NRTN: variants seen among roughly 807,000 people sequenced by gnomAD.
The protein encoded by NRTN is neurturin.
In NRTN, 3 loss-of-function variants were observed where a neutral mutation model predicts 7.5. The observed-to-expected ratio is 0.40, with a 90% confidence interval of 0.18 to 1.03. NRTN has a LOEUF of 1.03. NRTN is among the 50% of genes least tolerant of loss of function. NRTN has a pLI of 0.34. For missense variants in NRTN, 310 were observed against 307.0 expected, an observed-to-expected ratio of 1.01 and a Z score of -0.07; for synonymous variants, 157 against 146.6, an observed-to-expected ratio of 1.07 and a Z score of -0.51.
At chr19:5,820,533 T>TC (rs1254305193) in intron 1 of NRTN, among the ~76,000 whole-genome samples, 4 of 137,088 alleles carry the variant, frequency 2.9e-5, no homozygotes, top group Admixed American at 1.5e-4. Context: ...GCCACTACAC[T>TC]CAGCCTGGGC....
At chr19:5,816,450 C>T (rs1325623843) in intron 1 of NRTN, among the ~76,000 whole-genome samples, 2 of 152,166 alleles carry the variant, frequency 1.3e-5, no homozygotes, top group African/African-American at 4.8e-5. Context: ...GCAGTCTCGG[C>T]TCGCTGCAAC....
In NRTN at chr19:5,824,325, C is replaced by T. The variant is rs764411451; in HGVS notation, c.160C>T (p.Leu54=). The T allele has an allele frequency of 8.7e-6, 14 of 1,602,538 alleles. No individual in the cohort carries two copies. Among genetic ancestry groups the T allele is most frequent in the Admixed American group, 1.7e-5 (1 of 58,430 alleles). The part of the protein sequence containing the change: ...PRTLDARIAR[L]AQYRALLQGA... The stretch of plus-strand genomic sequence containing the variant: ...AACCCTGGACGCCCGGATTGCCCGC[C>T]TGGCCCAGTGTAAGCTCCTCCTCTG... The change falls in exon 2 of 3, where the codon CTG becomes TTG. Residue 54 remains leucine, a synonymous_variant. Coordinates refer to ENST00000303212, the MANE Select transcript of NRTN (RefSeq NM_004558.5).
At position 5,827,900 on chromosome 19, in the gene NRTN, G is replaced by A; in HGVS notation, c.321G>A (p.Glu107=). The A allele has an allele frequency of 1.4e-6, 2 of 1,432,368 alleles. No individual in the cohort carries two copies. Among genetic ancestry groups the A allele is most frequent in the South Asian group, 2.9e-5 (2 of 69,524 alleles). The allele number at this position is 1,432,368 out of a possible 1,614,324, so 88.7% of individuals were successfully genotyped here. A position where few individuals can be genotyped will look rare whatever the true frequency, so the allele number is the denominator to read the frequency against. ...RLGARPCGLR[E]LEVRVSELGL... ...GGGCGCGGCCTTGCGGGCTGCGCGA[G>A]CTGGAGGTGCGCGTGAGCGAGCTGG... The change falls in exon 3 of 3, where the codon GAG becomes GAA. Residue 107 remains glutamate, a synonymous_variant. Coordinates refer to ENST00000303212, the MANE Select transcript of NRTN (RefSeq NM_004558.5).
intron 1 of NRTN, among the ~76,000 whole-genome samples, chr19:5,809,583 G>A (rs1019469031): frequency 9.2e-5 from 14 of 152,092 alleles, no homozygotes; most frequent in African/African-American, 3.1e-4. Flanking sequence ...TCGGGGAGGG[G>A]CCCAGGGTGG....
chr19:5,824,997 G>A (rs1159724928), intron 2 of NRTN, among the ~76,000 whole-genome samples: 1 of 152,122 alleles, frequency 6.6e-6, no homozygotes, highest in South Asian at 2.1e-4. Context: ...CGGCGCAGCA[G>A]GGGGGGCGGT....
At chr19:5,813,305 C>T (rs373046548) in intron 1 of NRTN, among the ~76,000 whole-genome samples, 67 of 151,238 alleles carry the variant, frequency 4.4e-4, no homozygotes, top group East Asian at 3.1e-3. Context: ...GAGGCAGAGG[C>T]GGGCGGATCA....
intron 1 of NRTN, among the ~76,000 whole-genome samples, chr19:5,822,333 C>T (rs1257724383): frequency 6.6e-6 from 1 of 152,160 alleles, no homozygotes; most frequent in East Asian, 1.9e-4. Context: ...GGTGCTGACC[C>T]GCATCCAGCC....
At chr19:5,815,992 G>C (rs1237778903) in intron 1 of NRTN, among the ~76,000 whole-genome samples, 1 of 152,004 alleles carries the variant, frequency 6.6e-6, no homozygotes, top group Non-Finnish European at 1.5e-5. Flanking sequence ...TGATCCACCC[G>C]CCTTGGCCTC....
chr19:5,815,041 G>T, intron 1 of NRTN, among the ~76,000 whole-genome samples: 1 of 152,230 alleles, frequency 6.6e-6, no homozygotes, highest in East Asian at 1.9e-4. Context: ...GTTCCCTCCT[G>T]AGTCCCCCGG....
At chr19:5,823,122 AAGAG>A (rs1380849872) in intron 1 of NRTN, among the ~76,000 whole-genome samples, 1 of 83,208 alleles carries the variant, frequency 1.2e-5, no homozygotes, top group Non-Finnish European at 3.0e-5. Context: ...AAGAAAGAGA[AAGAG>A]AGAGAGGAGG....
intron 2 of NRTN, among the ~76,000 whole-genome samples, chr19:5,825,819 G>A (rs1008436221): frequency 2.0e-5 from 3 of 152,218 alleles, no homozygotes; most frequent in Non-Finnish European, 4.4e-5. Flanking sequence ...CTGCAGGGAG[G>A]CAGGGACAGA....
chr19:5,827,700 A>AC (rs1238549603), intron 2 of NRTN, 49 bp from the exon 3 acceptor site: 1 of 207,996 alleles, frequency 4.8e-6, no homozygotes, highest in Non-Finnish European at 8.9e-6. Flanking sequence ...GCTCCCTCCC[A>AC]CCCCCTGCAC....
At chr19:5,809,478 C>G (rs2056983565) in intron 1 of NRTN, among the ~76,000 whole-genome samples, 1 of 148,284 alleles carries the variant, frequency 6.7e-6, no homozygotes, top group Non-Finnish European at 1.5e-5. Context: ...CCAGCCCCAT[C>G]CTGGTTTTTT....
At chr19:5,812,543 CTTGCCAGATGTTCCTGGT>C (rs990489721) in intron 1 of NRTN, among the ~76,000 whole-genome samples, 4 of 152,238 alleles carry the variant, frequency 2.6e-5, no homozygotes, top group African/African-American at 9.6e-5. Flanking sequence ...ACCAGCTGTG[CTTGCCAGATGTTCCTGGT>C]TTGCCCCCAG....
At chr19:5,813,784 G>T (rs1482648182) in intron 1 of NRTN, among the ~76,000 whole-genome samples, 1 of 151,886 alleles carries the variant, frequency 6.6e-6, no homozygotes, top group Admixed American at 6.6e-5. Context: ...AGGTTGCAGT[G>T]AGCTGAGATC....
intron 1 of NRTN, among the ~76,000 whole-genome samples, chr19:5,807,013 G>T (rs933969883): frequency 2.6e-4 from 39 of 152,214 alleles, no homozygotes; most frequent in Admixed American, 2.0e-4. Context: ...GGCTGGGGAA[G>T]CTCAGAGTGG....
rs918863985 is a variant in NRTN at position 5,828,200 on chromosome 19, G to A, written c.*27G>A. 19 of 1,527,104 alleles carry A rather than the reference G, an allele frequency of 1.2e-5. No individual in the cohort carries two copies. The highest frequency in any genetic ancestry group is 1.2e-4 in the Admixed American group (6 of 50,484). The allele number at this position is 1,527,104 out of a possible 1,614,324, so 94.6% of individuals were successfully genotyped here. On this transcript the variant is annotated 3_prime_UTR_variant, in exon 3 of 3. Transcript: ENST00000303212. ...CCTACCTCACTCGGCCGGCGCGGCG[G>A]CCACTCCCCCCGCCTCGACGGCACC...
At chr19:5,811,541 A>G (rs1381436140) in intron 1 of NRTN, among the ~76,000 whole-genome samples, 2 of 151,998 alleles carry the variant, frequency 1.3e-5, no homozygotes, top group African/African-American at 4.8e-5. Context: ...TATTATTACT[A>G]TTATTATTAG....
At chr19:5,826,210 C>G (rs906571001) in intron 2 of NRTN, among the ~76,000 whole-genome samples, 16 of 152,110 alleles carry the variant, frequency 1.1e-4, no homozygotes, top group Admixed American at 2.6e-4. Flanking sequence ...ATCGGGCAAG[C>G]CCACAAATGT....
Sources: gnomAD v4.1 joint callset for allele counts (sites outside exome capture counted in the v4.1 genomes callset) on GRCh38, gnomAD v4.1.1 for gene constraint, MANE v1.5 for transcripts, NCBI Gene and HGNC (gene_info 2026-07-23, HGNC 2026-07-21) for gene names.